HS6ST3: variants seen among roughly 807,000 people sequenced by gnomAD.
HS6ST3 encodes heparan sulfate 6-O-sulfotransferase 3.
HS6ST3 carries 12 observed loss-of-function variants against 36.7 expected under a neutral mutation model. The observed-to-expected ratio is 0.33, with a 90% CI of 0.21 to 0.53. The LOEUF (loss-of-function observed/expected upper bound fraction) is 0.53, where lower values mean the gene tolerates loss of function less well. HS6ST3 is among the 20% of genes least tolerant of loss of function. HS6ST3 has a pLI of 0.95. For missense variants in HS6ST3, 584 were observed against 640.9 expected (o/e 0.91, Z 0.96); for synonymous variants, 240 against 257.5 (o/e 0.93, Z 0.65).
chr13:96,116,568 A>C (rs922911514), intron 1 of HS6ST3, among the ~76,000 whole-genome samples: 1 of 152,226 alleles, frequency 6.6e-6, no homozygotes. Flanking sequence ...AGGTTTCAGC[A>C]GCAGATAAGC....
At chr13:96,403,269 T>G (rs1173362623) in intron 1 of HS6ST3, among the ~76,000 whole-genome samples, 1 of 152,240 alleles carries the variant, frequency 6.6e-6, no homozygotes, top group African/African-American at 2.4e-5. Context: ...CTTGAGTACT[T>G]ACATAACAAT....
At chr13:96,628,093 A>C (rs528205295) in intron 1 of HS6ST3, among the ~76,000 whole-genome samples, 108 of 151,486 alleles carry the variant, frequency 7.1e-4, no homozygotes, top group African/African-American at 2.5e-3. Context: ...TAACTTTTTA[A>C]GTTTGACGCT....
At chr13:96,367,376 T>C (rs575364979) in intron 1 of HS6ST3, among the ~76,000 whole-genome samples, 1 of 152,338 alleles carries the variant, frequency 6.6e-6, no homozygotes, top group East Asian at 1.9e-4. Context: ...ATAATAGGGT[T>C]CAAATTATTT....
Position 96,421,441 on chromosome 13 carries a change from T to A in HS6ST3, c.707+329872T>A, listed in dbSNP as rs183103629. Among the ~76,000 whole-genome samples, 7 of 152,334 alleles carry A rather than the reference T, an allele frequency of 4.6e-5. No individual in the cohort carries two copies. In the East Asian group the frequency reaches 1.4e-3, roughly 29 times the overall value. On this transcript the variant is annotated intron_variant, in intron 1 of 1. Coordinates refer to ENST00000376705, the MANE Select transcript of HS6ST3 (RefSeq NM_153456.4). ...TGCAAATCTGATTATAATATTCACT[T>A]ACTTAGAATATTTCAATAACTTTCA...
intron 1 of HS6ST3, among the ~76,000 whole-genome samples, chr13:96,117,130 C>T (rs907589290): frequency 5.3e-5 from 8 of 152,308 alleles, no homozygotes; most frequent in African/African-American, 1.9e-4. Flanking sequence ...ATTTAATTCT[C>T]TTCCCTTTCA....
chr13:96,556,322 C>A (rs1436654433), intron 1 of HS6ST3, among the ~76,000 whole-genome samples: 1 of 152,062 alleles, frequency 6.6e-6, no homozygotes, highest in Non-Finnish European at 1.5e-5. Flanking sequence ...AAGAAGAAAC[C>A]CCGCTGGACT....
intron 1 of HS6ST3, among the ~76,000 whole-genome samples, chr13:96,711,690 C>T (rs1875565836): frequency 6.6e-6 from 1 of 152,190 alleles, no homozygotes. Flanking sequence ...TAAGCATCTG[C>T]ATATCCATAG....
chr13:96,777,556 A>G (rs1401876590), intron 1 of HS6ST3, among the ~76,000 whole-genome samples: 1 of 152,204 alleles, frequency 6.6e-6, no homozygotes, highest in East Asian at 1.9e-4. Flanking sequence ...CCAAATCATG[A>G]GTGAACTCCC....
chr13:96,148,190 C>T (rs1185071767), intron 1 of HS6ST3, among the ~76,000 whole-genome samples: 1 of 152,176 alleles, frequency 6.6e-6, no homozygotes, highest in Non-Finnish European at 1.5e-5. Flanking sequence ...CAACTTAACT[C>T]TTGTTTATAT....
chr13:96,802,854 T>C (rs1202946129), intron 1 of HS6ST3, among the ~76,000 whole-genome samples: 1 of 152,214 alleles, frequency 6.6e-6, no homozygotes, highest in Admixed American at 6.5e-5. Context: ...CCTATGGCTC[T>C]AAAATAAACC....
At chr13:96,557,437 GA>G (rs2056245306) in intron 1 of HS6ST3, among the ~76,000 whole-genome samples, 1 of 152,144 alleles carries the variant, frequency 6.6e-6, no homozygotes, top group African/African-American at 2.4e-5. Flanking sequence ...GAAAAAATAT[GA>G]AAGACACCAC....
intron 1 of HS6ST3, among the ~76,000 whole-genome samples, chr13:96,731,680 A>G (rs1276701837): frequency 6.7e-6 from 1 of 150,354 alleles, no homozygotes; most frequent in African/African-American, 2.5e-5. Flanking sequence ...TTGTTTTGAG[A>G]TGGGGTCTTG....
intron 1 of HS6ST3, among the ~76,000 whole-genome samples, chr13:96,368,017 T>C (rs1022971489): frequency 2.6e-5 from 4 of 152,156 alleles, no homozygotes; most frequent in African/African-American, 9.7e-5. Context: ...GAGCACAATA[T>C]TTCACCCCCA....
chr13:96,137,242 G>T lies in HS6ST3; in HGVS notation c.707+45673G>T, dbSNP rs183060818. Reference sequence around the variant, plus strand: ...TTGCCTGTCCTTGGGCTTCATATGCGTGGAATCATACCACATGTACTAATT... The same window carrying T: ...TTGCCTGTCCTTGGGCTTCATATGCTTGGAATCATACCACATGTACTAATT... On this transcript the variant is annotated intron_variant, in intron 1 of 1. Coordinates refer to ENST00000376705, the MANE Select transcript of HS6ST3 (RefSeq NM_153456.4). Among the ~76,000 whole-genome samples, 172 of 138,324 alleles carry T rather than the reference G, an allele frequency of 1.2e-3. 2 individuals carry two copies. The highest frequency in any genetic ancestry group is 1.3e-3 in the East Asian group (6 of 4,690). 90.7% of individuals were successfully genotyped at this position (138,324 alleles called of 152,430 possible). A position where few individuals can be genotyped will look rare whatever the true frequency, so the allele number is the denominator to read the frequency against.
chr13:96,561,468 G>A (rs926023106), intron 1 of HS6ST3, among the ~76,000 whole-genome samples: 10 of 152,068 alleles, frequency 6.6e-5, no homozygotes, highest in Non-Finnish European at 1.2e-4. Context: ...TCTGGAAATG[G>A]ATCTTGGGAA....
At chr13:96,514,711 T>G (rs2056065147) in intron 1 of HS6ST3, among the ~76,000 whole-genome samples, 1 of 152,224 alleles carries the variant, frequency 6.6e-6, no homozygotes, top group Non-Finnish European at 1.5e-5. Flanking sequence ...ATGTCTCTTG[T>G]TTTAGCTGCC....
intron 1 of HS6ST3, among the ~76,000 whole-genome samples, chr13:96,791,158 C>G (rs1016815120): frequency 2.6e-5 from 4 of 151,912 alleles, no homozygotes; most frequent in African/African-American, 9.7e-5. Flanking sequence ...AGAGATGACT[C>G]CCTCATACAG....
chr13:96,438,437 G>T (rs568309535), intron 1 of HS6ST3, among the ~76,000 whole-genome samples: 94 of 152,316 alleles, frequency 6.2e-4, no homozygotes, highest in African/African-American at 2.0e-3. Flanking sequence ...TCACACACAA[G>T]GTTAGGGTTG....
At chr13:96,750,527 T>C (rs1192733598) in intron 1 of HS6ST3, among the ~76,000 whole-genome samples, 1 of 152,244 alleles carries the variant, frequency 6.6e-6, no homozygotes, top group Non-Finnish European at 1.5e-5. Context: ...GGAATGTTAC[T>C]GTGAATGAGA....
Sources: allele counts gnomAD v4.1 joint callset (sites outside exome capture counted in the v4.1 genomes callset), GRCh38; gene constraint gnomAD v4.1.1; transcripts MANE v1.5; gene names NCBI Gene and HGNC (gene_info 2026-07-23, HGNC 2026-07-21).